The following VIPR2 variants were observed in gnomAD, a reference collection of about 807,000 sequenced individuals.
VIPR2 encodes vasoactive intestinal polypeptide receptor 2.
In VIPR2, 48 loss-of-function variants were observed where a neutral mutation model predicts 58.0. That is an observed-to-expected ratio of 0.83 (90% confidence interval 0.66 to 1.05). The LOEUF (loss-of-function observed/expected upper bound fraction) is 1.05. VIPR2 is among the 50% of genes least tolerant of loss of function. VIPR2 has a pLI of 0.00. For missense variants in VIPR2, 534 were observed against 558.0 expected, an observed-to-expected ratio of 0.96 and a Z score of 0.43; for synonymous variants, 243 against 235.2, an observed-to-expected ratio of 1.03 and a Z score of -0.30.
chr7:159,094,426 C>T (rs925217207), intron 4 of VIPR2, among the ~76,000 whole-genome samples: 19 of 152,332 alleles, frequency 1.2e-4, no homozygotes, highest in Middle Eastern at 6.8e-3. Flanking sequence ...GAGCCCCTGA[C>T]CCGTCAGCCA....
chr7:159,142,460 G>A lies in VIPR2; in HGVS notation c.137C>T (p.Thr46Ile). 2 of 1,613,034 alleles carry A rather than the reference G, an allele frequency of 1.2e-6. No homozygotes were observed. The highest frequency in any genetic ancestry group is 1.7e-6 in the Non-Finnish European group (2 of 1,179,656). The change falls in exon 2 of 13, where the codon ACA (threonine) becomes ATA (isoleucine). Residue 46 changes from threonine to isoleucine, a missense_variant. Transcript: ENST00000262178. ...TKCAELLRSQ[T>I]EKHKACSGVW... ...CTCTGCCTTACCTTTGTGTTTTTCT[G>A]TTTGAGACCTCAGAAGCTCTGCACA...
intron 2 of VIPR2, among the ~76,000 whole-genome samples, chr7:159,130,367 T>C (rs1350885418): frequency 6.6e-6 from 1 of 152,198 alleles, no homozygotes; most frequent in Non-Finnish European, 1.5e-5. Flanking sequence ...CAGCCATTAT[T>C]CTGGAAGTCA....
chr7:159,092,302 G>A (rs1265095355), intron 4 of VIPR2, among the ~76,000 whole-genome samples: 1 of 152,198 alleles, frequency 6.6e-6, no homozygotes, highest in Non-Finnish European at 1.5e-5. Flanking sequence ...AGGTGTGACA[G>A]GAGCGGGTCT....
intron 6 of VIPR2, among the ~76,000 whole-genome samples, chr7:159,038,188 CCT>C (rs1854092946): frequency 6.6e-6 from 1 of 151,956 alleles, no homozygotes; most frequent in Non-Finnish European, 1.5e-5. Flanking sequence ...CCTGGCCTCC[CCT>C]GAGCCCTGCA....
At chr7:159,113,658 A>G (rs1358818902) in intron 2 of VIPR2, among the ~76,000 whole-genome samples, 2 of 152,180 alleles carry the variant, frequency 1.3e-5, no homozygotes, top group South Asian at 4.2e-4. Flanking sequence ...AAACGAGGAA[A>G]AGCATAAAGT....
chr7:159,064,411 G>A (rs934877307), intron 4 of VIPR2, among the ~76,000 whole-genome samples: 6 of 152,124 alleles, frequency 3.9e-5, no homozygotes, highest in African/African-American at 1.2e-4. Context: ...GATGGAGACG[G>A]AGTGGAATTG....
chr7:159,032,076 AAGG>A lies in VIPR2; in HGVS notation c.972-12_972-10del, dbSNP rs752238710. On this transcript the variant is annotated splice_polypyrimidine_tract_variant and intron_variant, in intron 10 of 12. Transcript: ENST00000262178. Reference sequence around the variant, plus strand: ...TGGACTTGGCCAGCCTCCTGCACAGAAGGAGATGAGCCAGCTCAGCTGCTGGAC... The same window carrying A: ...TGGACTTGGCCAGCCTCCTGCACAGAAGATGAGCCAGCTCAGCTGCTGGAC... The A allele has an allele frequency of 4.3e-6, 7 of 1,613,388 alleles. No individual in the cohort carries two copies. The highest frequency in any genetic ancestry group is 4.0e-5 in the African/African-American group (3 of 74,918).
chr7:159,062,374 T>C (rs1855737772), intron 4 of VIPR2, among the ~76,000 whole-genome samples: 1 of 152,130 alleles, frequency 6.6e-6, no homozygotes, highest in Non-Finnish European at 1.5e-5. Flanking sequence ...GTGTTACAGT[T>C]CTTAAAGGTA....
In VIPR2 at chr7:159,063,409, G is replaced by A. The variant is rs940800469; in HGVS notation, c.358-4831C>T. Among the ~76,000 whole-genome samples, 47 of 152,140 alleles carry A rather than the reference G, an allele frequency of 3.1e-4. 1 individual carries two copies. Among genetic ancestry groups the A allele is most frequent in the Admixed American group, 2.0e-4 (3 of 15,298 alleles). On this transcript the variant is annotated intron_variant, in intron 4 of 12. Transcript: ENST00000262178. ...GCTAAGCCCCTCACTGCCCGGGGCC[G>A]GCAGCGCCGGCCGGCCGCTCCAAGT... is the stretch of plus-strand genomic sequence containing the variant.
intron 4 of VIPR2, among the ~76,000 whole-genome samples, chr7:159,094,672 A>G (rs1407634046): frequency 6.6e-6 from 1 of 152,152 alleles, no homozygotes; most frequent in Non-Finnish European, 1.5e-5. Context: ...AAAGACGAAG[A>G]TCCTGCGTGT....
At chr7:159,117,678 C>T (rs1353667468) in intron 2 of VIPR2, among the ~76,000 whole-genome samples, 1 of 152,214 alleles carries the variant, frequency 6.6e-6, no homozygotes, top group Admixed American at 6.5e-5. Flanking sequence ...CCCTACCCCA[C>T]ATGCAACTCC....
intron 10 of VIPR2, among the ~76,000 whole-genome samples, chr7:159,032,895 G>T (rs945530113): frequency 7.9e-5 from 12 of 151,962 alleles, no homozygotes; most frequent in African/African-American, 2.7e-4. Flanking sequence ...TCTTATTCGG[G>T]GGTCTCTGCC....
rs1585482305 is a variant in VIPR2 at position 159,096,781 on chromosome 7, G to A, written c.357+6976C>T. Reference sequence around the variant, plus strand: ...GGCCAGATTTCTGCCCCTGCCTGAGGTCAGTCTCGTGGCCCCCGCAGCAGC... The same window carrying A: ...GGCCAGATTTCTGCCCCTGCCTGAGATCAGTCTCGTGGCCCCCGCAGCAGC... On this transcript the variant is annotated intron_variant, in intron 4 of 12. Coordinates refer to ENST00000262178, the MANE Select transcript of VIPR2 (RefSeq NM_003382.5). This position sits in a 1 kb window ranked among gnomAD's most constrained non-coding sequence, Gnocchi z 5.5. 3.5e-6 allele frequency: 5 copies of A among 1,414,662 alleles called. No individual in the cohort carries two copies. In the East Asian group the frequency reaches 1.3e-4, roughly 36 times the overall value. 87.6% of individuals were successfully genotyped at this position (1,414,662 alleles called of 1,614,324 possible). A position where few individuals can be genotyped will look rare whatever the true frequency, so the allele number is the denominator to read the frequency against.
At chr7:159,132,687 G>A (rs574442536) in intron 2 of VIPR2, among the ~76,000 whole-genome samples, 69 of 152,180 alleles carry the variant, frequency 4.5e-4, no homozygotes, top group African/African-American at 1.3e-3. Flanking sequence ...AATCATTCAC[G>A]GACGGGCTCA....
chr7:159,041,487 T>C (rs576670894), intron 6 of VIPR2, among the ~76,000 whole-genome samples: 7 of 148,834 alleles, frequency 4.7e-5, no homozygotes, highest in Admixed American at 4.7e-4. Context: ...CTGCTTTCCA[T>C]GTCGCGGGTC....
intron 5 of VIPR2, among the ~76,000 whole-genome samples, chr7:159,043,441 A>C (rs1563266522): frequency 1.3e-5 from 2 of 152,246 alleles, no homozygotes. Flanking sequence ...ACTGAATTTG[A>C]TAAGAAGTTT....
In VIPR2 at chr7:159,077,091, A is replaced by G. The variant is rs534455965; in HGVS notation, c.358-18513T>C. Among the ~76,000 whole-genome samples, 40 of 152,354 alleles carry G rather than the reference A, an allele frequency of 2.6e-4. No individual in the cohort carries two copies. In the South Asian group the frequency reaches 7.7e-3, roughly 29 times the overall value. ...CATATTTGAGAATGTGCATTGAACC[A>G]CTATCCTTGATGCAGTTACATAAAT... is the stretch of plus-strand genomic sequence containing the variant. On this transcript the variant is annotated intron_variant, in intron 4 of 12. Transcript: ENST00000262178.
chr7:159,085,970 C>T (rs867772653), intron 4 of VIPR2, among the ~76,000 whole-genome samples: 6 of 152,162 alleles, frequency 3.9e-5, no homozygotes, highest in African/African-American at 1.4e-4. Flanking sequence ...GAATGCAAAC[C>T]ACCAGGAGTG....
intron 3 of VIPR2, among the ~76,000 whole-genome samples, chr7:159,105,869 A>T (rs1858612675): frequency 6.6e-6 from 1 of 152,248 alleles, no homozygotes; most frequent in Non-Finnish European, 1.5e-5. Context: ...AATAGTTATT[A>T]TAATAATACT....
Sources: allele counts gnomAD v4.1 joint callset (sites outside exome capture counted in the v4.1 genomes callset), GRCh38; gene constraint gnomAD v4.1.1; non-coding constraint Gnocchi (gnomAD v3.1); transcripts MANE v1.5; gene names NCBI Gene and HGNC (gene_info 2026-07-23, HGNC 2026-07-21).